The following FRMD4A variants were observed in gnomAD, a reference collection of about 807,000 sequenced individuals.
FRMD4A encodes FERM domain-containing protein 4A.
In FRMD4A, 29 loss-of-function variants were observed where a neutral mutation model predicts 129.1. The ratio of observed to expected loss-of-function variants is 0.22; its 90% confidence interval spans 0.17 to 0.31. The LOEUF is 0.31. Ranked by LOEUF, FRMD4A falls within the 10% of genes least tolerant of loss-of-function variation. FRMD4A has a pLI of 1.00. For missense variants in FRMD4A, 1,272 were observed against 1,375.8 expected (o/e 0.92, Z 1.19); for synonymous variants, 634 against 571.6 (o/e 1.11, Z -1.56).
intron 12 of FRMD4A, chr10:13,707,405 C>G: frequency 9.1e-7 from 1 of 1,094,142 alleles, no homozygotes; most frequent in South Asian, 3.7e-5. Context: ...TTGGTTTGGT[C>G]GTGGCAGTCC....
At chr10:14,132,149 G>T (rs1839293574) in intron 2 of FRMD4A, among the ~76,000 whole-genome samples, 2 of 152,108 alleles carry the variant, frequency 1.3e-5, no homozygotes, top group African/African-American at 4.8e-5. Context: ...AGCTGGGCGT[G>T]GTGGCACTTG....
intron 2 of FRMD4A, among the ~76,000 whole-genome samples, chr10:13,912,780 A>G (rs1321636455): frequency 6.6e-6 from 1 of 151,832 alleles, no homozygotes; most frequent in Non-Finnish European, 1.5e-5. Flanking sequence ...CCGCCTGCCT[A>G]GAATATTATT....
intron 2 of FRMD4A, among the ~76,000 whole-genome samples, chr10:14,305,975 G>A (rs752368187): frequency 4.6e-5 from 7 of 152,102 alleles, no homozygotes; most frequent in Non-Finnish European, 8.8e-5. Context: ...CCTATTTGGC[G>A]GATGGGCAGT....
intron 6 of FRMD4A, among the ~76,000 whole-genome samples, chr10:13,778,376 G>C (rs531231546): frequency 6.6e-6 from 1 of 151,638 alleles, no homozygotes; most frequent in African/African-American, 2.4e-5. Context: ...CCCTCCATTC[G>C]GCAAAACCCC....
chr10:14,274,769 T>C (rs898860714), intron 2 of FRMD4A, among the ~76,000 whole-genome samples: 4 of 152,170 alleles, frequency 2.6e-5, no homozygotes, highest in Non-Finnish European at 2.9e-5. Flanking sequence ...ATGCCTCCTG[T>C]CCAGCCCAAT....
intron 6 of FRMD4A, among the ~76,000 whole-genome samples, chr10:13,772,545 C>T (rs1325892509): frequency 6.6e-6 from 1 of 152,144 alleles, no homozygotes; most frequent in Non-Finnish European, 1.5e-5. Flanking sequence ...AGACTTTAGG[C>T]CAGTTTCAGC....
At chr10:14,069,383 T>C (rs969058922) in intron 2 of FRMD4A, among the ~76,000 whole-genome samples, 5 of 152,190 alleles carry the variant, frequency 3.3e-5, no homozygotes, top group African/African-American at 1.2e-4. Context: ...ACTCCTTGGA[T>C]TTCTTCATGG....
chr10:14,306,427 T>G (rs1846354315), intron 2 of FRMD4A, among the ~76,000 whole-genome samples: 1 of 152,176 alleles, frequency 6.6e-6, no homozygotes, highest in South Asian at 2.1e-4. Flanking sequence ...CCAGAAATAG[T>G]AACCAGATAA....
intron 2 of FRMD4A, among the ~76,000 whole-genome samples, chr10:14,176,660 A>T (rs186821262): frequency 8.6e-5 from 13 of 151,926 alleles, no homozygotes; most frequent in African/African-American, 3.1e-4. Flanking sequence ...TTTTTAGTAG[A>T]GATGGCGTTT....
At chr10:14,156,187 A>G (rs1840588908) in intron 2 of FRMD4A, among the ~76,000 whole-genome samples, 1 of 152,244 alleles carries the variant, frequency 6.6e-6, no homozygotes, top group Non-Finnish European at 1.5e-5. Flanking sequence ...GTTGTACTCA[A>G]TCAATTCATT....
intron 2 of FRMD4A, among the ~76,000 whole-genome samples, chr10:14,314,423 G>A (rs1197821858): frequency 6.6e-6 from 1 of 152,250 alleles, no homozygotes; most frequent in Non-Finnish European, 1.5e-5. Flanking sequence ...TCCTGGTGAG[G>A]GGTTATGGGA....
chr10:14,136,090 G>C (rs1369700933), intron 2 of FRMD4A, among the ~76,000 whole-genome samples: 1 of 152,144 alleles, frequency 6.6e-6, no homozygotes, highest in Non-Finnish European at 1.5e-5. Context: ...GGAACCAGTA[G>C]GTTCCAAGTG....
chr10:14,130,521 G>C (rs1255743631), intron 2 of FRMD4A, among the ~76,000 whole-genome samples: 1 of 152,180 alleles, frequency 6.6e-6, no homozygotes, highest in Non-Finnish European at 1.5e-5. Context: ...AAAGTGCTGG[G>C]ATTACAGGCA....
chr10:14,249,093 G>A (rs1844342988), intron 2 of FRMD4A, among the ~76,000 whole-genome samples: 1 of 152,200 alleles, frequency 6.6e-6, no homozygotes, highest in African/African-American at 2.4e-5. Context: ...GCTCATGCCT[G>A]TAATCCCAGC....
At chr10:13,661,724 T>C (rs188518493) in intron 19 of FRMD4A, among the ~76,000 whole-genome samples, 6 of 151,988 alleles carry the variant, frequency 3.9e-5, no homozygotes, top group East Asian at 3.9e-4. Context: ...CAGGTCAGCA[T>C]TGAGAAGAGA....
intron 2 of FRMD4A, among the ~76,000 whole-genome samples, chr10:14,014,471 T>C (rs1390266185): frequency 6.6e-6 from 1 of 152,182 alleles, no homozygotes; most frequent in Non-Finnish European, 1.5e-5. Context: ...AGGGAAACCC[T>C]GTGTTTCTTC....
At chr10:13,747,844 G>T in intron 8 of FRMD4A, 25 bp from the exon 9 acceptor site, 3 of 1,318,258 alleles carry the variant, frequency 2.3e-6, no homozygotes, top group South Asian at 1.2e-5. Flanking sequence ...GCCCAGAAAC[G>T]CACTCACCCT....
chr10:13,776,017 G>T (rs1430119030), intron 6 of FRMD4A, among the ~76,000 whole-genome samples: 3 of 152,230 alleles, frequency 2.0e-5, no homozygotes, highest in African/African-American at 7.2e-5. Context: ...TTATGACTAC[G>T]GCTTTAAGCC....
chr10:14,168,222 G>A (rs74348811), intron 2 of FRMD4A, among the ~76,000 whole-genome samples: 4,647 of 152,210 alleles, frequency 0.031, 221 homozygotes, highest in African/African-American at 0.099. Context: ...ACTAACAACC[G>A]GTTCTGGGGT....
Sources: gnomAD v4.1 joint callset for allele counts (sites outside exome capture counted in the v4.1 genomes callset) on GRCh38, gnomAD v4.1.1 for gene constraint, MANE v1.5 for transcripts, NCBI Gene and HGNC (gene_info 2026-07-23, HGNC 2026-07-21) for gene names.